RASAL2: variants seen among roughly 807,000 people sequenced by gnomAD.
The protein encoded by RASAL2 is ras GTPase-activating protein nGAP.
In RASAL2, 58 loss-of-function variants were observed where a neutral mutation model predicts 128.9. That is an observed-to-expected ratio of 0.45 (90% CI 0.36 to 0.56). The LOEUF (loss-of-function observed/expected upper bound fraction) is 0.56. Ranked by LOEUF, RASAL2 falls within the 20% of genes least tolerant of loss-of-function variation. RASAL2 has a pLI of 0.00. For missense variants in RASAL2, 1,360 were observed against 1,601.6 expected, an observed-to-expected ratio of 0.85 and a Z score of 2.57; for synonymous variants, 561 against 580.8, an observed-to-expected ratio of 0.97 and a Z score of 0.49.
At position 178,454,436 on chromosome 1, in the gene RASAL2, C is replaced by T. The variant is rs1677621691; in HGVS notation, c.2010-11C>T. 1.3e-6 allele frequency: 2 copies of T among 1,584,352 alleles called. No individual in the cohort carries two copies. Among genetic ancestry groups the T allele is most frequent in the African/African-American group, 1.3e-5 (1 of 74,154 alleles). ...ATATGTTCTTTCTCATTTTCTCATCCTCTACTTCAGGTTTGGTAACAAAGA... is the reference window on the plus strand; with the variant it reads ...ATATGTTCTTTCTCATTTTCTCATCTTCTACTTCAGGTTTGGTAACAAAGA... On this transcript the variant is annotated splice_polypyrimidine_tract_variant and intron_variant, in intron 11 of 17. Coordinates refer to ENST00000367649, the MANE Select transcript of RASAL2 (RefSeq NM_170692.4).
intron 3 of RASAL2, among the ~76,000 whole-genome samples, chr1:178,311,000 C>T (rs913075472): frequency 6.6e-6 from 1 of 152,128 alleles, no homozygotes; most frequent in African/African-American, 2.4e-5. Flanking sequence ...ACACTAGAGG[C>T]TCCTCTTAAT....
At chr1:178,118,240 G>T (rs1659585606) in intron 1 of RASAL2, among the ~76,000 whole-genome samples, 1 of 151,782 alleles carries the variant, frequency 6.6e-6, no homozygotes, top group African/African-American at 2.4e-5. Flanking sequence ...TGGCACCAGG[G>T]ACTGGTTTCA....
At chr1:178,106,478 T>C (rs1279635906) in intron 1 of RASAL2, among the ~76,000 whole-genome samples, 1 of 152,214 alleles carries the variant, frequency 6.6e-6, no homozygotes, top group South Asian at 2.1e-4. Flanking sequence ...AAGTGGTTGC[T>C]GATTACTCTG....
At chr1:178,371,942 C>T (rs1260119984) in intron 3 of RASAL2, among the ~76,000 whole-genome samples, 3 of 151,894 alleles carry the variant, frequency 2.0e-5, no homozygotes, top group African/African-American at 7.3e-5. Context: ...CAGTGTTATC[C>T]TGGCTTTTTC....
chr1:178,255,030 C>G (rs546790605), intron 1 of RASAL2, among the ~76,000 whole-genome samples: 77 of 151,986 alleles, frequency 5.1e-4, no homozygotes, highest in African/African-American at 1.7e-3. Flanking sequence ...TGAAAGTACT[C>G]CGGAAAAAAT....
chr1:178,195,376 A>G (rs988878936), intron 1 of RASAL2, among the ~76,000 whole-genome samples: 7 of 152,214 alleles, frequency 4.6e-5, no homozygotes, highest in East Asian at 1.9e-4. Flanking sequence ...ATAATTTGCA[A>G]TGTGAATTAG....
intron 1 of RASAL2, among the ~76,000 whole-genome samples, chr1:178,182,767 T>C (rs1241667846): frequency 6.8e-6 from 1 of 148,020 alleles, no homozygotes; most frequent in Non-Finnish European, 1.5e-5. Flanking sequence ...TTAATCCATA[T>C]CCCTTTGGGA....
chr1:178,203,067 C>G (rs1662927611), intron 1 of RASAL2, among the ~76,000 whole-genome samples: 1 of 152,128 alleles, frequency 6.6e-6, no homozygotes, highest in Admixed American at 6.5e-5. Context: ...TATTGGACCT[C>G]TTCTATCATG....
At chr1:178,359,419 G>A (rs912439382) in intron 3 of RASAL2, among the ~76,000 whole-genome samples, 2 of 152,104 alleles carry the variant, frequency 1.3e-5, no homozygotes, top group Non-Finnish European at 2.9e-5. Context: ...CTTAAATATA[G>A]CAGGTCATTG....
intron 1 of RASAL2, among the ~76,000 whole-genome samples, chr1:178,192,689 G>A (rs1183211219): frequency 6.6e-6 from 1 of 152,166 alleles, no homozygotes; most frequent in African/African-American, 2.4e-5. Context: ...GAAGAAGATG[G>A]TAAGCAATTT....
chr1:178,437,794 A>G (rs1676351444), intron 5 of RASAL2, among the ~76,000 whole-genome samples: 1 of 152,098 alleles, frequency 6.6e-6, no homozygotes, highest in Non-Finnish European at 1.5e-5. Flanking sequence ...TTTATAGTTG[A>G]TGTACTATAT....
intron 1 of RASAL2, among the ~76,000 whole-genome samples, chr1:178,139,815 A>C (rs1287551969): frequency 6.6e-6 from 1 of 152,060 alleles, no homozygotes; most frequent in Non-Finnish European, 1.5e-5. Context: ...ATGGGAATGA[A>C]ATGTACACAA....
At chr1:178,160,021 T>TC (rs1661222733) in intron 1 of RASAL2, among the ~76,000 whole-genome samples, 1 of 147,746 alleles carries the variant, frequency 6.8e-6, no homozygotes, top group South Asian at 2.1e-4. Flanking sequence ...TATTCTGTAG[T>TC]TTTTTTTTTA....
At position 178,441,667 on chromosome 1, in the gene RASAL2, T is replaced by C. The variant is rs1228588269; in HGVS notation, c.927+20T>C. 1 of 1,568,020 alleles carries C rather than the reference T, an allele frequency of 6.4e-7. No individual in the cohort carries two copies. The highest frequency in any genetic ancestry group is 1.7e-5 in the Admixed American group (1 of 59,426). On this transcript the variant is annotated intron_variant, in intron 7 of 17. Transcript: ENST00000367649. Reference sequence around the variant, plus strand: ...AATAAGGTAATAGTAGCTTCAAGTATCTAAAAAATGTATAACTTTGTAAGC... The same window carrying C: ...AATAAGGTAATAGTAGCTTCAAGTACCTAAAAAATGTATAACTTTGTAAGC...
chr1:178,296,564 C>T (rs1469476299), intron 2 of RASAL2, among the ~76,000 whole-genome samples: 3 of 151,200 alleles, frequency 2.0e-5, no homozygotes, highest in East Asian at 1.9e-4. Context: ...GGGGATCTCA[C>T]GTTGTTGCCC....
intron 1 of RASAL2, among the ~76,000 whole-genome samples, chr1:178,108,491 ACTAT>A (rs1659181578): frequency 6.6e-6 from 1 of 152,202 alleles, no homozygotes; most frequent in Non-Finnish European, 1.5e-5. Flanking sequence ...TTATAACTAC[ACTAT>A]CAGGTAAATA....
chr1:178,466,050 T>C lies in RASAL2; in HGVS notation c.3518T>C (p.Leu1173Pro). 6.3e-7 allele frequency: 1 copy of C among 1,583,300 alleles called. No individual in the cohort carries two copies. Among genetic ancestry groups the C allele is most frequent in the Non-Finnish European group, 8.6e-7 (1 of 1,163,180 alleles). The stretch of plus-strand genomic sequence containing the variant: ...CTGCTGCTGGAATACAAGGCCCGAC[T>C]GGAGGACAGCGAGGAGCGGCTCCGA... ...QKLLLEYKAR[L>P]EDSEERLRRQ... The change falls in exon 16 of 18, where the codon CTG (leucine) becomes CCG (proline). Residue 1173 changes from leucine (L) to proline (P), a missense_variant. Leu to Pro is a moderately conservative substitution (Grantham distance 98, BLOSUM62 -3). Around this residue, in one of 3 missense-constraint regions of RASAL2, gnomAD observed 741 missense variants for 868.6 expected, o/e 0.85. Transcript: ENST00000367649.
At chr1:178,205,774 A>G (rs1429641872) in intron 1 of RASAL2, among the ~76,000 whole-genome samples, 1 of 152,026 alleles carries the variant, frequency 6.6e-6, no homozygotes, top group Non-Finnish European at 1.5e-5. Flanking sequence ...AAAAAGACTC[A>G]TGTTCACACC....
At position 178,095,318 on chromosome 1, in the gene RASAL2, T is replaced by G. The variant is rs4143734; in HGVS notation, c.202+624T>G. Among the ~76,000 whole-genome samples the G allele has an allele frequency of 1.1e-3, 172 of 152,334 alleles. 1 individual carries two copies. In the East Asian group the frequency reaches 0.028, roughly 25 times the overall value. ...AAAAGTGATGAACACACTAAAACTTTCCCTTTCTGCATTCCTGGTAACCAC... is the reference window on the plus strand; with the variant it reads ...AAAAGTGATGAACACACTAAAACTTGCCCTTTCTGCATTCCTGGTAACCAC... On this transcript the variant is annotated intron_variant, in intron 1 of 17. Coordinates refer to ENST00000367649, the MANE Select transcript of RASAL2 (RefSeq NM_170692.4).
Sources: gnomAD v4.1 joint callset for allele counts (sites outside exome capture counted in the v4.1 genomes callset) on GRCh38, gnomAD v4.1.1 for gene constraint, gnomAD v4.1.1 regional missense constraint, MANE v1.5 for transcripts, NCBI Gene and HGNC (gene_info 2026-07-23, HGNC 2026-07-21) for gene names.